The following STARD9 variants were observed in gnomAD, a reference collection of about 807,000 sequenced individuals.
STARD9 encodes StAR related lipid transfer domain containing 9.
A neutral mutation model predicts 399.8 loss-of-function variants in STARD9; 346 were observed. That is an observed-to-expected ratio of 0.87 (90% CI 0.79 to 0.95). The LOEUF (loss-of-function observed/expected upper bound fraction) is 0.95, where lower values mean the gene tolerates loss of function less well. STARD9 is among the 40% of genes least tolerant of loss of function. The pLI is 0.00. For synonymous variants in STARD9, 2,203 were observed against 2,143.5 expected (o/e 1.03, Z -0.77); for missense variants, 5,832 against 5,667.5 (o/e 1.03, Z -0.93).
In STARD9 at chr15:42,663,555, G is replaced by T. The variant is rs2060030556; in HGVS notation, c.1078+65G>T. On this transcript the variant is annotated intron_variant, in intron 12 of 32. Transcript: ENST00000290607. ...TACTCTATCTCAGAGAAAGGGCCATGGCCCCAGTGAGTGGGATGCCAGAGC... is the reference window on the plus strand; with the variant it reads ...TACTCTATCTCAGAGAAAGGGCCATTGCCCCAGTGAGTGGGATGCCAGAGC... The T allele has an allele frequency of 2.4e-5, 24 of 1,014,498 alleles. No homozygotes were observed. In the South Asian group the frequency reaches 3.2e-4, roughly 14 times the overall value. 62.8% of individuals were successfully genotyped at this position (1,014,498 alleles called of 1,614,324 possible).
At chr15:42,666,846 A>G (rs983248582) in intron 15 of STARD9, among the ~76,000 whole-genome samples, 2 of 152,016 alleles carry the variant, frequency 1.3e-5, no homozygotes, top group South Asian at 2.1e-4. Flanking sequence ...AGGGAGTCTC[A>G]CTCTGTCACC....
chr15:42,647,426 T>C (rs376096284), intron 7 of STARD9, among the ~76,000 whole-genome samples: 3 of 152,208 alleles, frequency 2.0e-5, no homozygotes, highest in Non-Finnish European at 4.4e-5. Flanking sequence ...TATTATTACA[T>C]GCATACAAAA....
intron 3 of STARD9, among the ~76,000 whole-genome samples, chr15:42,608,825 A>G (rs1356614828): frequency 6.6e-6 from 1 of 152,246 alleles, no homozygotes; most frequent in Non-Finnish European, 1.5e-5. Flanking sequence ...TAATGCAGAA[A>G]GGATTGGGGG....
chr15:42,695,171 A>G lies in STARD9; in HGVS notation c.12994A>G (p.Thr4332Ala), dbSNP rs780389472. The G allele has an allele frequency of 1.8e-5, 27 of 1,536,226 alleles. No individual in the cohort carries two copies. The highest frequency in any genetic ancestry group is 4.8e-5 in the South Asian group (4 of 83,928). The change falls in exon 25 of 33, where the codon ACA becomes GCA. Residue 4332 changes from threonine (T) to alanine (A), a missense_variant. Thr to Ala is a moderately conservative substitution (Grantham distance 58, BLOSUM62 0). Coordinates refer to ENST00000290607, the MANE Select transcript of STARD9 (RefSeq NM_020759.3). ...SPESVSRSAH[T>A]PSDIELMLQD... The stretch of plus-strand genomic sequence containing the variant: ...AGAGTCAGTGTCAAGGTCAGCTCAC[A>G]CACCCTCTGACATAGAGTTGATGCT...
At chr15:42,712,088 T>TA (rs1180409814) in intron 26 of STARD9, among the ~76,000 whole-genome samples, 100 of 1,092 alleles carry the variant, frequency 0.092, 11 homozygotes, top group African/African-American at 0.16. Context: ...ATATTATATA[T>TA]ATATATATAA....
intron 7 of STARD9, among the ~76,000 whole-genome samples, chr15:42,639,997 A>C (rs1316379665): frequency 2.6e-5 from 4 of 152,172 alleles, no homozygotes; most frequent in African/African-American, 9.7e-5. Flanking sequence ...AACATAGCTC[A>C]CTGCAACCTG....
intron 1 of STARD9, among the ~76,000 whole-genome samples, chr15:42,581,666 C>T (rs1187693596): frequency 9.0e-6 from 1 of 110,522 alleles, no homozygotes; most frequent in Non-Finnish European, 2.3e-5. Flanking sequence ...TCGCCAGCAG[C>T]CTCAGCAGCA....
intron 21 of STARD9, among the ~76,000 whole-genome samples, chr15:42,681,834 T>A (rs996215087): frequency 6.6e-6 from 1 of 152,154 alleles, no homozygotes; most frequent in Admixed American, 6.5e-5. Context: ...ATTACGGACC[T>A]CCTACTTACT....
chr15:42,672,500 C>T (rs1019121464), intron 16 of STARD9: 6 of 152,338 alleles, frequency 3.9e-5, no homozygotes, highest in African/African-American at 1.4e-4. Flanking sequence ...AGGGCTGTCC[C>T]TGAACGCACA....
rs565220436 is a variant in STARD9 at position 42,685,443 on chromosome 15, C to A, written c.3865C>A (p.Pro1289Thr). 9 of 1,536,634 alleles carry A rather than the reference C, an allele frequency of 5.9e-6. No individual in the cohort carries two copies. The highest frequency in any genetic ancestry group is 2.0e-5 in the Admixed American group (1 of 50,964). ...GTTCCAACCCCATTGTGAGCTCCAA[C>A]CCCATTGTGAGCTCCAACCCCATTG... is the stretch of plus-strand genomic sequence containing the variant. The part of the protein sequence containing the change: ...PQFQPHCELQ[P>T]HCELQPHCEL... Residue 1289 changes from proline to threonine, a missense_variant, in exon 23 of 33, where the codon CCC becomes ACC. This residue lies in a region of STARD9 where 5,828 missense variants were observed against 5,651.1 expected (regional missense o/e 1.03). Coordinates refer to ENST00000290607, the MANE Select transcript of STARD9 (RefSeq NM_020759.3).
intron 26 of STARD9, among the ~76,000 whole-genome samples, chr15:42,712,572 T>TAGG (rs1472440521): frequency 6.6e-6 from 1 of 152,196 alleles, no homozygotes; most frequent in Admixed American, 6.5e-5. Context: ...TTTAAAAGAT[T>TAGG]ATTATTTCCC....
At chr15:42,580,367 C>T (rs2058141567) in intron 1 of STARD9, among the ~76,000 whole-genome samples, 1 of 152,172 alleles carries the variant, frequency 6.6e-6, no homozygotes, top group Non-Finnish European at 1.5e-5. Context: ...AGGTGGGATA[C>T]AAAGGAACAT....
chr15:42,652,058 T>C (rs567616333), intron 8 of STARD9, among the ~76,000 whole-genome samples: 1 of 152,348 alleles, frequency 6.6e-6, no homozygotes, highest in South Asian at 2.1e-4. Flanking sequence ...GAATTAATAT[T>C]CTGTGTTTAA....
At chr15:42,629,926 G>A (rs973344349) in intron 3 of STARD9, 2 of 150,926 alleles carry the variant, frequency 1.3e-5, no homozygotes, top group African/African-American at 4.9e-5. Flanking sequence ...CACATTCATT[G>A]ATTTGCATAT....
chr15:42,716,602 G>A (rs1394959708), intron 26 of STARD9, 75 bp from the exon 27 acceptor site: 6 of 922,908 alleles, frequency 6.5e-6, no homozygotes, highest in Admixed American at 2.0e-5. Context: ...GAAGCTGTGA[G>A]ATGCAGTTCA....
chr15:42,623,637 A>C (rs1464784436), intron 3 of STARD9, among the ~76,000 whole-genome samples: 1 of 152,120 alleles, frequency 6.6e-6, no homozygotes, highest in Non-Finnish European at 1.5e-5. Context: ...TATGGCATAG[A>C]TTTCATTTGG....
intron 15 of STARD9, among the ~76,000 whole-genome samples, chr15:42,666,561 T>C (rs1361300160): frequency 6.6e-6 from 1 of 152,156 alleles, no homozygotes; most frequent in African/African-American, 2.4e-5. Flanking sequence ...GTAGTGCAGG[T>C]AAGGTTAGGG....
At chr15:42,626,236 C>A (rs1323796987) in intron 3 of STARD9, among the ~76,000 whole-genome samples, 14 of 150,084 alleles carry the variant, frequency 9.3e-5, no homozygotes, top group South Asian at 4.2e-4. Flanking sequence ...AGTTTTAATT[C>A]TTCTTCTTCT....
At position 42,690,976 on chromosome 15, in the gene STARD9, A is replaced by G. The variant is rs778495975; in HGVS notation, c.9398A>G (p.Glu3133Gly). The change falls in exon 23 of 33, where the codon GAA becomes GGA. Residue 3133 changes from glutamate (E) to glycine (G), a missense_variant. Physicochemically the swap from Glu to Gly is moderately conservative, Grantham distance 98. Coordinates refer to ENST00000290607, the MANE Select transcript of STARD9 (RefSeq NM_020759.3). Reference sequence around the variant, plus strand: ...GCACAGGTGTGTCAAACCAATCCAGAACCACCTGCAACAACTCAGGGACCA... The same window carrying G: ...GCACAGGTGTGTCAAACCAATCCAGGACCACCTGCAACAACTCAGGGACCA... ...QNAQVCQTNPEPPATTQGPHT... is the reference protein window; with the variant it reads ...QNAQVCQTNPGPPATTQGPHT... 1 of 1,537,210 alleles carries G rather than the reference A, an allele frequency of 6.5e-7. No individual in the cohort carries two copies. The highest frequency in any genetic ancestry group is 1.2e-5 in the South Asian group (1 of 84,064).
Sources: gnomAD v4.1 joint callset for allele counts (sites outside exome capture counted in the v4.1 genomes callset) on GRCh38, gnomAD v4.1.1 for gene constraint, gnomAD v4.1.1 regional missense constraint, MANE v1.5 for transcripts, NCBI Gene and HGNC (gene_info 2026-07-23, HGNC 2026-07-21) for gene names.